TMTC2: variants seen among roughly 807,000 people sequenced by gnomAD.
The protein encoded by TMTC2 is transmembrane O-mannosyltransferase targeting cadherins 2.
In TMTC2, 43 loss-of-function variants were observed where a neutral mutation model predicts 82.4. That is an observed-to-expected ratio of 0.52 (90% CI 0.41 to 0.67). TMTC2 has a LOEUF of 0.67. Among genes scored for constraint, TMTC2 ranks in the 30% least tolerant of loss-of-function variants. TMTC2 has a pLI of 0.00. For missense variants in TMTC2, 919 were observed against 1,012.4 expected, an observed-to-expected ratio of 0.91 and a Z score of 1.25; for synonymous variants, 408 against 381.9, an observed-to-expected ratio of 1.07 and a Z score of -0.80.
At chr12:82,804,471 T>G (rs1288042121) in intron 1 of TMTC2, among the ~76,000 whole-genome samples, 2 of 152,176 alleles carry the variant, frequency 1.3e-5, no homozygotes, top group African/African-American at 4.8e-5. Flanking sequence ...GAAGAGGTGT[T>G]ACTTCTTCAC....
chr12:82,698,108 G>T (rs1872899703), intron 1 of TMTC2, among the ~76,000 whole-genome samples: 1 of 152,106 alleles, frequency 6.6e-6, no homozygotes, highest in African/African-American at 2.4e-5. Flanking sequence ...GGCACCTTGG[G>T]GGGTTTCTGA....
In TMTC2 at chr12:82,735,887, C is replaced by T. The variant is rs968996132; in HGVS notation, c.83+48218C>T. On this transcript the variant is annotated intron_variant, in intron 1 of 11. Coordinates refer to ENST00000321196, the MANE Select transcript of TMTC2 (RefSeq NM_152588.3). ...ACTTGGGAGGCTGAGGCAGGAGAACCGCTTGAACCCGGGAGGCATAGGTTG... is the reference window on the plus strand; with the variant it reads ...ACTTGGGAGGCTGAGGCAGGAGAACTGCTTGAACCCGGGAGGCATAGGTTG... Among the ~76,000 whole-genome samples the T allele has an allele frequency of 5.9e-5, 9 of 151,858 alleles. 1 individual carries two copies. The South Asian group carries it at 6.3e-4, about 11-fold the overall frequency.
intron 1 of TMTC2, among the ~76,000 whole-genome samples, chr12:82,734,076 C>A (rs993037664): frequency 6.6e-6 from 1 of 152,094 alleles, no homozygotes; most frequent in African/African-American, 2.4e-5. Flanking sequence ...TGGCCTTGGG[C>A]AGATCACATC....
At chr12:83,055,412 G>C (rs1882501163) in intron 10 of TMTC2, among the ~76,000 whole-genome samples, 1 of 151,930 alleles carries the variant, frequency 6.6e-6, no homozygotes, top group Non-Finnish European at 1.5e-5. Context: ...AAAGTGAAAA[G>C]TTACTAGATG....
intron 3 of TMTC2, among the ~76,000 whole-genome samples, chr12:82,928,872 A>G (rs1875866450): frequency 6.6e-6 from 1 of 152,238 alleles, no homozygotes; most frequent in Non-Finnish European, 1.5e-5. Context: ...CAAAGAAGGT[A>G]TATGACTTTG....
intron 4 of TMTC2, among the ~76,000 whole-genome samples, chr12:82,948,154 C>T (rs1375649603): frequency 1.3e-5 from 2 of 152,106 alleles, no homozygotes; most frequent in Admixed American, 6.6e-5. Flanking sequence ...TCACTTGAGC[C>T]CAGAAGTTCA....
intron 11 of TMTC2, among the ~76,000 whole-genome samples, chr12:83,092,631 T>G (rs1592741474): frequency 6.6e-6 from 1 of 152,300 alleles, no homozygotes; most frequent in East Asian, 1.9e-4. Context: ...ACTCTTACCT[T>G]TCTAAATACA....
At chr12:82,716,195 A>C (rs1184397820) in intron 1 of TMTC2, among the ~76,000 whole-genome samples, 1 of 152,162 alleles carries the variant, frequency 6.6e-6, no homozygotes, top group East Asian at 1.9e-4. Context: ...TGCTAGTTTA[A>C]ATACTGTCTT....
intron 2 of TMTC2, among the ~76,000 whole-genome samples, chr12:82,870,061 G>A (rs1872095991): frequency 6.6e-6 from 1 of 152,030 alleles, no homozygotes; most frequent in Admixed American, 6.5e-5. Flanking sequence ...CAGTTAGACT[G>A]GAGACTAGTA....
At chr12:82,831,811 C>T (rs1869764368) in intron 1 of TMTC2, among the ~76,000 whole-genome samples, 1 of 152,158 alleles carries the variant, frequency 6.6e-6, no homozygotes, top group Non-Finnish European at 1.5e-5. Flanking sequence ...GATTTCTGCT[C>T]CAGGGCTGGC....
At chr12:82,943,844 G>T (rs1361568859) in intron 4 of TMTC2, among the ~76,000 whole-genome samples, 1 of 152,206 alleles carries the variant, frequency 6.6e-6, no homozygotes, top group Non-Finnish European at 1.5e-5. Flanking sequence ...AGCTGACAAA[G>T]TGTAGTTTCT....
chr12:82,763,018 AT>A (rs1322204466), intron 1 of TMTC2, among the ~76,000 whole-genome samples: 11 of 152,234 alleles, frequency 7.2e-5, no homozygotes, highest in Middle Eastern at 6.8e-3. Flanking sequence ...TAGTTAATTA[AT>A]TTTTTAAAGA....
chr12:82,805,811 T>C (rs1879218752), intron 1 of TMTC2, among the ~76,000 whole-genome samples: 1 of 152,086 alleles, frequency 6.6e-6, no homozygotes, highest in African/African-American at 2.4e-5. Context: ...AGCTGGCTTT[T>C]CCACTTTTTG....
intron 1 of TMTC2, among the ~76,000 whole-genome samples, chr12:82,831,377 C>T (rs1244759241): frequency 6.6e-6 from 1 of 152,100 alleles, no homozygotes; most frequent in Non-Finnish European, 1.5e-5. Flanking sequence ...AATGAGAGCC[C>T]TTTTTTCTGT....
At chr12:82,719,335 AC>A (rs1874079937) in intron 1 of TMTC2, among the ~76,000 whole-genome samples, 1 of 151,482 alleles carries the variant, frequency 6.6e-6, no homozygotes, top group African/African-American at 2.4e-5. Context: ...CTCGTGATCC[AC>A]CCGCCTTGGC....
At chr12:82,808,533 A>T (rs547200507) in intron 1 of TMTC2, among the ~76,000 whole-genome samples, 1 of 152,230 alleles carries the variant, frequency 6.6e-6, no homozygotes, top group South Asian at 2.1e-4. Flanking sequence ...ACATTAAATA[A>T]ATTAATCATC....
intron 11 of TMTC2, among the ~76,000 whole-genome samples, chr12:83,114,789 C>T (rs1884701513): frequency 6.6e-6 from 1 of 151,822 alleles, no homozygotes; most frequent in African/African-American, 2.4e-5. Flanking sequence ...TTGCTTATGT[C>T]CATGTACACT....
chr12:82,897,066 A>T (rs188343412), intron 3 of TMTC2, among the ~76,000 whole-genome samples: 51 of 152,330 alleles, frequency 3.3e-4, no homozygotes, highest in African/African-American at 1.1e-3. Context: ...CTGAGGAAAT[A>T]CAAGACTTTC....
intron 7 of TMTC2, among the ~76,000 whole-genome samples, chr12:82,985,061 A>G (rs1358927695): frequency 6.6e-6 from 1 of 151,974 alleles, no homozygotes; most frequent in Non-Finnish European, 1.5e-5. Context: ...TTTAATTAAA[A>G]TAATTTTTTT....
Sources: gnomAD v4.1 joint callset for allele counts (sites outside exome capture counted in the v4.1 genomes callset) on GRCh38, gnomAD v4.1.1 for gene constraint, MANE v1.5 for transcripts, NCBI Gene and HGNC (gene_info 2026-07-23, HGNC 2026-07-21) for gene names.